CTNNA3: variants seen among roughly 807,000 people sequenced by gnomAD.
CTNNA3 encodes the protein catenin alpha 3, also known as catenin alpha-3.
CTNNA3 carries 76 observed loss-of-function variants against 95.7 expected under a neutral mutation model. The ratio of observed to expected loss-of-function variants is 0.79; its 90% confidence interval spans 0.66 to 0.96. The LOEUF is 0.96. Ranked by LOEUF, CTNNA3 falls within the 40% of genes least tolerant of loss-of-function variation. The pLI is 0.00. For missense variants in CTNNA3, 1,191 were observed against 1,089.8 expected (o/e 1.09, Z -1.31); for synonymous variants, 431 against 374.4 (o/e 1.15, Z -1.74).
intron 10 of CTNNA3, among the ~76,000 whole-genome samples, chr10:66,594,114 C>A (rs1273167611): frequency 6.6e-6 from 1 of 152,208 alleles, no homozygotes; most frequent in East Asian, 1.9e-4. Flanking sequence ...CACCTCATGA[C>A]ATCTCCTCAA....
At chr10:66,711,577 C>T (rs1848296973) in intron 9 of CTNNA3, among the ~76,000 whole-genome samples, 1 of 151,916 alleles carries the variant, frequency 6.6e-6, no homozygotes, top group African/African-American at 2.4e-5. Context: ...GAGACAGAGT[C>T]TCACTCTGTC....
intron 11 of CTNNA3, among the ~76,000 whole-genome samples, chr10:66,428,768 A>G (rs935147602): frequency 1.3e-5 from 2 of 152,142 alleles, no homozygotes; most frequent in African/African-American, 4.8e-5. Flanking sequence ...GTAGAGGGAA[A>G]TTTATAGCAC....
At chr10:67,009,854 G>C (rs1242809027) in intron 7 of CTNNA3, among the ~76,000 whole-genome samples, 3 of 152,082 alleles carry the variant, frequency 2.0e-5, no homozygotes, top group Non-Finnish European at 4.4e-5. Flanking sequence ...TTTTGCATCA[G>C]AGACTTTCTA....
intron 1 of CTNNA3, among the ~76,000 whole-genome samples, chr10:67,705,356 G>T (rs369815451): frequency 2.7e-5 from 4 of 150,926 alleles, no homozygotes; most frequent in South Asian, 4.2e-4. Flanking sequence ...CTATTCACAA[G>T]AGCAAAGACT....
chr10:67,058,746 A>G (rs1430192816), intron 7 of CTNNA3, among the ~76,000 whole-genome samples: 1 of 152,174 alleles, frequency 6.6e-6, no homozygotes, highest in Non-Finnish European at 1.5e-5. Flanking sequence ...CCTGTTGTGT[A>G]TCTAAGGAAT....
intron 10 of CTNNA3, among the ~76,000 whole-genome samples, chr10:66,581,116 T>A (rs75566257): frequency 0.016 from 2,464 of 151,880 alleles, 78 homozygotes; most frequent in African/African-American, 0.056. Context: ...CATGATAACA[T>A]ACATCACATT....
rs138898184 is a variant in CTNNA3, at chr10:66,766,369, C to A, written c.1176G>T (p.Thr392=). 1 of 1,613,438 alleles carries A rather than the reference C, an allele frequency of 6.2e-7. No homozygotes were observed. The highest frequency in any genetic ancestry group is 8.5e-7 in the Non-Finnish European group (1 of 1,179,660). Residue 392 remains threonine (T), a synonymous_variant, in exon 9 of 18, where the codon ACG becomes ACT. Transcript: ENST00000433211. ...CAATGAGAACCAAAAGAGGGACTGT[C>A]GTATCCAGGAAAGAGTCTGACACAT... is the stretch of plus-strand genomic sequence containing the variant. ...IDHVSDSFLD[T]TVPLLVLIEA...
At chr10:66,303,966 ATTTTC>A (rs2091899548) in intron 12 of CTNNA3, among the ~76,000 whole-genome samples, 4 of 152,218 alleles carry the variant, frequency 2.6e-5, no homozygotes, top group African/African-American at 9.6e-5. Flanking sequence ...AAACCTTGAA[ATTTTC>A]TTTAACAATA....
chr10:66,518,771 T>G (rs1296246628), intron 11 of CTNNA3, among the ~76,000 whole-genome samples: 1 of 152,056 alleles, frequency 6.6e-6, no homozygotes, highest in Non-Finnish European at 1.5e-5. Flanking sequence ...AAAAATCAGT[T>G]AGCAGTGATT....
chr10:67,546,878 A>G, intron 3 of CTNNA3, among the ~76,000 whole-genome samples: 1 of 152,222 alleles, frequency 6.6e-6, no homozygotes, highest in Non-Finnish European at 1.5e-5. Context: ...CTTAAATTAT[A>G]CTATGATGAA....
intron 2 of CTNNA3, among the ~76,000 whole-genome samples, chr10:67,622,611 G>T (rs1435169937): frequency 6.6e-6 from 1 of 152,188 alleles, no homozygotes; most frequent in Non-Finnish European, 1.5e-5. Flanking sequence ...TTGTATCCTT[G>T]CCATGCACGC....
intron 12 of CTNNA3, among the ~76,000 whole-genome samples, chr10:66,294,032 T>C (rs2091734691): frequency 1.3e-5 from 2 of 152,096 alleles, no homozygotes; most frequent in South Asian, 4.1e-4. Flanking sequence ...TATGACCTCT[T>C]CTAGGAGATT....
In CTNNA3 at chr10:66,836,501, CA is replaced by C. The variant is rs147924235; in HGVS notation, c.1048-60978del. Among the ~76,000 whole-genome samples, 76 of 152,214 alleles carry C rather than the reference CA, an allele frequency of 5.0e-4. No homozygotes were observed. The East Asian group carries it at 0.013, about 26-fold the overall frequency. On this transcript the variant is annotated intron_variant, in intron 7 of 17. Coordinates refer to ENST00000433211, the MANE Select transcript of CTNNA3 (RefSeq NM_013266.4). ...GAACTTGATTTGGGAATGGTTTCGGCAGCAGACTGTCCACTAGAAAACGGGA... is the reference window on the plus strand; with the variant it reads ...GAACTTGATTTGGGAATGGTTTCGGCGCAGACTGTCCACTAGAAAACGGGA...
intron 4 of CTNNA3, among the ~76,000 whole-genome samples, chr10:67,535,638 A>G (rs760033883): frequency 5.0e-4 from 76 of 152,212 alleles, no homozygotes; most frequent in Middle Eastern, 3.4e-3. Flanking sequence ...GTCCATTTAT[A>G]TCATGGAATG....
intron 17 of CTNNA3, 135 bp from the exon 18 acceptor site, chr10:65,920,752 G>C (rs2077073992): frequency 2.2e-6 from 2 of 904,818 alleles, no homozygotes; most frequent in Non-Finnish European, 3.3e-6. Context: ...CTTGAGCCCA[G>C]GAGGCAAAGG....
intron 12 of CTNNA3, 24 bp downstream of exon 12, chr10:66,379,128 A>G: frequency 3.8e-6 from 6 of 1,563,016 alleles, no homozygotes; most frequent in Non-Finnish European, 5.3e-6. Flanking sequence ...GAAATTGTGC[A>G]GCTGTTATTG....
intron 11 of CTNNA3, among the ~76,000 whole-genome samples, chr10:66,405,374 C>T (rs547211253): frequency 4.6e-5 from 7 of 152,084 alleles, no homozygotes; most frequent in South Asian, 4.2e-4. Context: ...CAATAAATTG[C>T]GTTAATATTC....
At chr10:67,435,856 C>T (rs1229037358) in intron 5 of CTNNA3, among the ~76,000 whole-genome samples, 2 of 152,106 alleles carry the variant, frequency 1.3e-5, no homozygotes, top group Non-Finnish European at 2.9e-5. Context: ...ATCCCATGAT[C>T]ATGGAGGGGT....
At chr10:67,347,468 C>T (rs999302600) in intron 5 of CTNNA3, among the ~76,000 whole-genome samples, 7 of 152,118 alleles carry the variant, frequency 4.6e-5, no homozygotes, top group East Asian at 1.9e-4. Context: ...TAAAAAAATT[C>T]GTTCAATCAT....
Sources: allele counts gnomAD v4.1 joint callset (sites outside exome capture counted in the v4.1 genomes callset), GRCh38; gene constraint gnomAD v4.1.1; transcripts MANE v1.5; gene names NCBI Gene and HGNC (gene_info 2026-07-23, HGNC 2026-07-21).